Variants in NEK1 observed in about 807,000 individuals in gnomAD.
The protein encoded by NEK1 is serine/threonine-protein kinase Nek1.
A neutral mutation model predicts 182.1 loss-of-function variants in NEK1; 137 were observed. That is an observed-to-expected ratio of 0.75 (90% CI 0.65 to 0.87). NEK1 has a LOEUF of 0.87. Ranked by LOEUF, NEK1 falls within the 40% of genes least tolerant of loss-of-function variation. The pLI, the probability that NEK1 is intolerant of heterozygous loss-of-function variation, is 0.00. For missense variants in NEK1, 1,391 were observed against 1,494.4 expected (o/e 0.93, Z 1.14); for synonymous variants, 513 against 492.2 (o/e 1.04, Z -0.56).
At chr4:169,563,682 C>T (rs1269358650) in intron 12 of NEK1, among the ~76,000 whole-genome samples, 1 of 152,166 alleles carries the variant, frequency 6.6e-6, no homozygotes, top group Non-Finnish European at 1.5e-5. Flanking sequence ...AATGATAATG[C>T]TTCCAATGTT....
chr4:169,404,860 A>G (rs1732313143), intron 32 of NEK1, among the ~76,000 whole-genome samples: 1 of 152,234 alleles, frequency 6.6e-6, no homozygotes, highest in Non-Finnish European at 1.5e-5. Flanking sequence ...CAGCTCTCAG[A>G]GGTATTGCTT....
At chr4:169,545,819 T>G (rs983515861) in intron 18 of NEK1, among the ~76,000 whole-genome samples, 9 of 152,150 alleles carry the variant, frequency 5.9e-5, no homozygotes, top group African/African-American at 2.2e-4. Flanking sequence ...GAGCATTTTT[T>G]CATGTGTTTT....
intron 28 of NEK1, among the ~76,000 whole-genome samples, chr4:169,434,350 C>T (rs1400459613): frequency 6.6e-6 from 1 of 151,642 alleles, no homozygotes; most frequent in African/African-American, 2.4e-5. Flanking sequence ...GTAGCTGGAA[C>T]TATAGGCACA....
chr4:169,479,150 TA>T (rs1307689126), intron 24 of NEK1, among the ~76,000 whole-genome samples: 1 of 152,138 alleles, frequency 6.6e-6, no homozygotes, highest in Non-Finnish European at 1.5e-5. Flanking sequence ...CTGTATATTT[TA>T]TTTTTTCAAT....
chr4:169,446,542 T>C (rs953633532), intron 27 of NEK1, among the ~76,000 whole-genome samples: 1 of 151,992 alleles, frequency 6.6e-6, no homozygotes, highest in Non-Finnish European at 1.5e-5. Context: ...CAGGAAAATA[T>C]GACCTCACCA....
At chr4:169,570,717 C>T (rs1259208428) in intron 12 of NEK1, among the ~76,000 whole-genome samples, 2 of 151,822 alleles carry the variant, frequency 1.3e-5, no homozygotes, top group Non-Finnish European at 2.9e-5. Context: ...ATGACAGTGG[C>T]GGTTTTGTGG....
At position 169,393,388 on chromosome 4, in the gene NEK1, G is replaced by C. The variant is rs1330320056; in HGVS notation, c.*1122C>G. 2.0e-5 allele frequency: 3 copies of C among 152,116 alleles called. No individual in the cohort carries two copies. Among genetic ancestry groups the C allele is most frequent in the Non-Finnish European group, 4.4e-5 (3 of 68,014 alleles). 9.4% of individuals were successfully genotyped at this position (152,116 alleles called of 1,614,324 possible). ...ATATACATAATAAATTCAACATACTGATAGTGCTGCAAGATAAGATTTTAT... is the reference window on the plus strand; with the variant it reads ...ATATACATAATAAATTCAACATACTCATAGTGCTGCAAGATAAGATTTTAT... On this transcript the variant is annotated 3_prime_UTR_variant, in exon 36 of 36. Transcript: ENST00000507142.
At chr4:169,545,993 T>C (rs1377711889) in intron 18 of NEK1, among the ~76,000 whole-genome samples, 2 of 152,218 alleles carry the variant, frequency 1.3e-5, no homozygotes, top group Non-Finnish European at 2.9e-5. Flanking sequence ...ATGGCCATAC[T>C]GCCCAAGGTA....
chr4:169,473,987 G>A (rs2149537099), intron 26 of NEK1, among the ~76,000 whole-genome samples: 1 of 152,136 alleles, frequency 6.6e-6, no homozygotes, highest in Non-Finnish European at 1.5e-5. Flanking sequence ...TAAAGGAGAG[G>A]AACTAGAATT....
At chr4:169,409,338 G>C (rs1356323918) in intron 31 of NEK1, among the ~76,000 whole-genome samples, 2 of 151,964 alleles carry the variant, frequency 1.3e-5, no homozygotes, top group African/African-American at 4.8e-5. Flanking sequence ...TAGAGACGGG[G>C]TTTCACCATG....
chr4:169,405,378 A>T (rs2111083656), intron 32 of NEK1, among the ~76,000 whole-genome samples: 1 of 152,356 alleles, frequency 6.6e-6, no homozygotes, highest in Non-Finnish European at 1.5e-5. Context: ...ACTGTATAAA[A>T]GATAAAAAAT....
chr4:169,432,234 A>G (rs1365647176), intron 29 of NEK1, among the ~76,000 whole-genome samples: 3 of 152,214 alleles, frequency 2.0e-5, no homozygotes, highest in Non-Finnish European at 4.4e-5. Context: ...AAAAACTCAA[A>G]AAGTTTGATG....
chr4:169,406,751 A>T lies in NEK1; in HGVS notation c.3223-4T>A. 1 of 1,574,806 alleles carries T rather than the reference A, an allele frequency of 6.3e-7. No individual in the cohort carries two copies. The highest frequency in any genetic ancestry group is 8.6e-7 in the Non-Finnish European group (1 of 1,167,540). ...GAAGTGAACATGTCCTTAACATCTA[A>T]AATAAAAATCAACAAATTTCTTATT... On this transcript the variant is annotated splice_polypyrimidine_tract_variant and splice_region_variant and intron_variant, in intron 31 of 35. Coordinates refer to ENST00000507142, the MANE Select transcript of NEK1 (RefSeq NM_001199397.3).
intron 12 of NEK1, among the ~76,000 whole-genome samples, chr4:169,573,886 C>T (rs995115833): frequency 7.9e-5 from 12 of 152,168 alleles, no homozygotes; most frequent in Non-Finnish European, 1.5e-5. Context: ...AAGCCAGGCA[C>T]GGTGGCTCAT....
At chr4:169,562,739 T>C (rs1463995633) in intron 12 of NEK1, among the ~76,000 whole-genome samples, 1 of 152,138 alleles carries the variant, frequency 6.6e-6, no homozygotes, top group Non-Finnish European at 1.5e-5. Flanking sequence ...TATTAATGTG[T>C]TAATAAAATG....
chr4:169,404,288 A>T (rs1370200341), intron 32 of NEK1, among the ~76,000 whole-genome samples: 1 of 152,156 alleles, frequency 6.6e-6, no homozygotes, highest in East Asian at 1.9e-4. Flanking sequence ...AACAAAAGTA[A>T]AAAGGTAACT....
At chr4:169,531,610 T>C (rs1454118829) in intron 19 of NEK1, among the ~76,000 whole-genome samples, 1 of 151,882 alleles carries the variant, frequency 6.6e-6, no homozygotes, top group African/African-American at 2.4e-5. Flanking sequence ...AAGTAAGAGA[T>C]GGTATGGCAT....
At position 169,508,545 on chromosome 4, in the gene NEK1, C is replaced by A. The variant is rs893771990; in HGVS notation, c.1750-214G>T. ...AAGAAAGAAATACATTATAAAATTACAAATTTTTAATTTAATCAAAAGAAA... is the reference window on the plus strand; with the variant it reads ...AAGAAAGAAATACATTATAAAATTAAAAATTTTTAATTTAATCAAAAGAAA... On this transcript the variant is annotated intron_variant, in intron 20 of 35. Coordinates refer to ENST00000507142, the MANE Select transcript of NEK1 (RefSeq NM_001199397.3). Among the ~76,000 whole-genome samples the A allele has an allele frequency of 3.3e-5, 5 of 151,986 alleles. No homozygotes were observed. The East Asian group carries it at 7.7e-4, about 23-fold the overall frequency.
chr4:169,583,373 G>A (rs999190408), intron 10 of NEK1, among the ~76,000 whole-genome samples: 5 of 151,854 alleles, frequency 3.3e-5, no homozygotes, highest in African/African-American at 4.8e-5. Context: ...AACAACAAGC[G>A]ATATATAGTA....
Sources: gnomAD v4.1 joint callset for allele counts (sites outside exome capture counted in the v4.1 genomes callset) on GRCh38, gnomAD v4.1.1 for gene constraint, MANE v1.5 for transcripts, NCBI Gene and HGNC (gene_info 2026-07-23, HGNC 2026-07-21) for gene names.